The following BACH2 variants were observed in gnomAD, a reference collection of about 807,000 sequenced individuals.
BACH2 encodes the protein transcription regulator protein BACH2.
Under a neutral mutation model 61.8 loss-of-function variants are expected in BACH2, and 5 were observed. The ratio of observed to expected loss-of-function variants is 0.08; its 90% CI spans 0.04 to 0.17. BACH2 has a LOEUF of 0.17. Among genes scored for constraint, BACH2 ranks in the 10% least tolerant of loss-of-function variants. The pLI is 1.00. For synonymous variants in BACH2, 446 were observed against 440.1 expected, an observed-to-expected ratio of 1.01 and a Z score of -0.17; for missense variants, 824 against 1,091.1, an observed-to-expected ratio of 0.76 and a Z score of 3.45.
In BACH2 at chr6:89,991,479, G is replaced by GCACA. The variant is rs141966281; in HGVS notation, c.243+17119_243+17122dup. ...TGTTCACGTAAGCGTGCACGCGCAT[G>GCACA]CACACACACACACACACATGCATAT... is the stretch of plus-strand genomic sequence containing the variant. On this transcript the variant is annotated intron_variant, in intron 6 of 8. Coordinates refer to ENST00000257749, the MANE Select transcript of BACH2 (RefSeq NM_021813.4). Among the ~76,000 whole-genome samples the GCACA allele has an allele frequency of 8.5e-4, 127 of 150,176 alleles. 1 individual carries two copies. Among genetic ancestry groups the GCACA allele is most frequent in the African/African-American group, 2.6e-3 (106 of 41,124 alleles).
At chr6:90,273,256 G>C (rs1409213111) in intron 1 of BACH2, among the ~76,000 whole-genome samples, 1 of 152,096 alleles carries the variant, frequency 6.6e-6, no homozygotes, top group Admixed American at 6.6e-5. Context: ...TACTCAGGAG[G>C]CTAAGGCAAA....
chr6:90,076,994 T>C (rs34403764), intron 5 of BACH2, among the ~76,000 whole-genome samples: 50,297 of 152,052 alleles, frequency 0.33, 8,971 homozygotes, highest in East Asian at 0.67. Context: ...AATGCGGACA[T>C]GCACTTAAAA....
chr6:90,289,942 A>G (rs939267244), intron 1 of BACH2, among the ~76,000 whole-genome samples: 3 of 152,246 alleles, frequency 2.0e-5, no homozygotes, highest in African/African-American at 7.2e-5. Context: ...TATGTTCAAA[A>G]TAAGAATGTT....
At chr6:89,961,966 A>T (rs1774768824) in intron 6 of BACH2, among the ~76,000 whole-genome samples, 1 of 152,202 alleles carries the variant, frequency 6.6e-6, no homozygotes, top group Non-Finnish European at 1.5e-5. Context: ...TAACCTTGCA[A>T]AATCAAATTT....
chr6:90,055,318 T>A (rs915664802), intron 5 of BACH2, among the ~76,000 whole-genome samples: 2 of 152,156 alleles, frequency 1.3e-5, no homozygotes, highest in Non-Finnish European at 2.9e-5. Context: ...GAGAGCTACA[T>A]GTCGAATGCA....
chr6:90,198,137 G>A (rs763089859), intron 4 of BACH2, among the ~76,000 whole-genome samples: 5 of 152,098 alleles, frequency 3.3e-5, no homozygotes, highest in Admixed American at 6.6e-5. Context: ...TGCTTGACTC[G>A]GAGCCACTAT....
intron 4 of BACH2, among the ~76,000 whole-genome samples, chr6:90,154,828 C>T (rs145627009): frequency 6.6e-6 from 1 of 152,242 alleles, no homozygotes; most frequent in East Asian, 1.9e-4. Flanking sequence ...GGGTCCTGTC[C>T]GTAGAAAGAG....
chr6:90,231,508 C>G (rs1188585425), intron 3 of BACH2, among the ~76,000 whole-genome samples: 1 of 152,182 alleles, frequency 6.6e-6, no homozygotes, highest in African/African-American at 2.4e-5. Context: ...AATCCAGTGA[C>G]CCTGGGCCAG....
At position 90,224,413 on chromosome 6, in the gene BACH2, C is replaced by T. The variant is rs530204317; in HGVS notation, c.-274-17732G>A. Among the ~76,000 whole-genome samples, 16 of 152,240 alleles carry T rather than the reference C, an allele frequency of 1.1e-4. No homozygotes were observed. In the South Asian group the frequency reaches 3.3e-3, roughly 32 times the overall value. On this transcript the variant is annotated intron_variant, in intron 3 of 8. Transcript: ENST00000257749. ...CATCAAGTGTGCTGAATATGTGTGA[C>T]AAGAGGAATTTGCCTGTTCAATTTA...
chr6:90,292,728 T>C (rs1313843929), intron 1 of BACH2, among the ~76,000 whole-genome samples: 7 of 152,192 alleles, frequency 4.6e-5, no homozygotes, highest in Non-Finnish European at 1.0e-4. Context: ...CAAAAAAAGA[T>C]GTTTCAGTCT....
chr6:89,931,401 G>A lies in BACH2; in HGVS notation c.*1007C>T, dbSNP rs1361489973. ...GATGAATTCATTATTTGGCAAGATT[G>A]TTTTTCCTACATAATTATCACCTGA... On this transcript the variant is annotated 3_prime_UTR_variant, in exon 9 of 9. Transcript: ENST00000257749. The A allele has an allele frequency of 6.5e-6, 1 of 152,698 alleles. No homozygotes were observed. The highest frequency in any genetic ancestry group is 2.4e-5 in the African/African-American group (1 of 41,422). 9.5% of individuals were successfully genotyped at this position (152,698 alleles called of 1,614,324 possible).
At chr6:90,087,805 G>A (rs981286126) in intron 5 of BACH2, among the ~76,000 whole-genome samples, 3 of 151,856 alleles carry the variant, frequency 2.0e-5, no homozygotes, top group African/African-American at 7.3e-5. Context: ...TTTTGATACA[G>A]GCATGCAATA....
At chr6:90,251,664 G>T (rs1185442051) in intron 3 of BACH2, among the ~76,000 whole-genome samples, 1 of 152,134 alleles carries the variant, frequency 6.6e-6, no homozygotes, top group East Asian at 1.9e-4. Context: ...AACTTAGAGG[G>T]TAACACCTGG....
At chr6:90,065,197 T>C (rs1364633222) in intron 5 of BACH2, among the ~76,000 whole-genome samples, 4 of 150,066 alleles carry the variant, frequency 2.7e-5, no homozygotes, top group East Asian at 3.9e-4. Flanking sequence ...TATGAAATCC[T>C]TGAGGCATGT....
intron 5 of BACH2, among the ~76,000 whole-genome samples, chr6:90,048,717 A>G (rs958491548): frequency 2.0e-5 from 3 of 152,214 alleles, no homozygotes; most frequent in Non-Finnish European, 4.4e-5. Context: ...TAACAAGCAC[A>G]CTTTCTGAAT....
At chr6:89,945,264 C>A (rs894113551) in intron 7 of BACH2, among the ~76,000 whole-genome samples, 1 of 152,182 alleles carries the variant, frequency 6.6e-6, no homozygotes, top group Non-Finnish European at 1.5e-5. Flanking sequence ...TGGAAACAAC[C>A]CACATGGCCC....
At chr6:89,981,217 C>T (rs747968721) in intron 6 of BACH2, among the ~76,000 whole-genome samples, 10 of 151,630 alleles carry the variant, frequency 6.6e-5, no homozygotes, top group Admixed American at 3.9e-4. Flanking sequence ...CTGCAAGCTC[C>T]GCTTCCTGGG....
chr6:90,008,966 G>A lies in BACH2; in HGVS notation c.-12-110C>T. 1 of 1,320,182 alleles carries A rather than the reference G, an allele frequency of 7.6e-7. No homozygotes were observed. The highest frequency in any genetic ancestry group is 2.4e-5 in the Admixed American group (1 of 41,498). The allele number at this position is 1,320,182 out of a possible 1,614,324, so 81.8% of individuals were successfully genotyped here. ...AACATCATGGTTCCTGTGTCCCACT[G>A]CCATGAGCATGGCAGGAAGGAGGGG... is the stretch of plus-strand genomic sequence containing the variant. On this transcript the variant is annotated intron_variant, in intron 5 of 8. Coordinates refer to ENST00000257749, the MANE Select transcript of BACH2 (RefSeq NM_021813.4). The surrounding 1 kb of genome is among the most constrained non-coding windows in gnomAD (Gnocchi z 4.1).
intron 5 of BACH2, among the ~76,000 whole-genome samples, chr6:90,061,799 A>T (rs548118141): frequency 4.6e-5 from 7 of 152,138 alleles, no homozygotes; most frequent in Non-Finnish European, 1.0e-4. Flanking sequence ...AGCTATTGAG[A>T]AGCTGAGGAA....
Sources: allele counts gnomAD v4.1 joint callset (sites outside exome capture counted in the v4.1 genomes callset), GRCh38; gene constraint gnomAD v4.1.1; non-coding constraint Gnocchi (gnomAD v3.1); transcripts MANE v1.5; gene names NCBI Gene and HGNC (gene_info 2026-07-23, HGNC 2026-07-21).